PRKG2: variants seen among roughly 807,000 people sequenced by gnomAD.
PRKG2 encodes the protein cGMP-dependent protein kinase 2.
A neutral mutation model predicts 97.2 loss-of-function variants in PRKG2; 33 were observed. That is an observed-to-expected ratio of 0.34 (90% CI 0.26 to 0.45). The LOEUF (loss-of-function observed/expected upper bound fraction) is 0.45. Among genes scored for constraint, PRKG2 ranks in the 20% least tolerant of loss-of-function variants. The pLI is 1.00. For missense variants in PRKG2, 638 were observed against 900.0 expected (o/e 0.71, Z 3.73); for synonymous variants, 330 against 321.8 (o/e 1.03, Z -0.27).
intron 2 of PRKG2, among the ~76,000 whole-genome samples, chr4:81,183,084 T>C (rs1002185095): frequency 6.6e-5 from 9 of 135,996 alleles, no homozygotes; most frequent in African/African-American, 3.1e-4. Flanking sequence ...CATTGAAGAA[T>C]AAAAATTACA....
intron 14 of PRKG2, among the ~76,000 whole-genome samples, chr4:81,125,479 T>C (rs1010289075): frequency 6.6e-6 from 1 of 152,232 alleles, no homozygotes; most frequent in Non-Finnish European, 1.5e-5. Context: ...CAGCATTCCA[T>C]TGCTGAGTAG....
intron 8 of PRKG2, among the ~76,000 whole-genome samples, chr4:81,150,257 G>A (rs1212702383): frequency 8.5e-5 from 13 of 152,124 alleles, no homozygotes. Context: ...TCATGATTTT[G>A]ACTGAGAATA....
intron 8 of PRKG2, among the ~76,000 whole-genome samples, chr4:81,150,213 G>C (rs910291005): frequency 3.3e-5 from 5 of 152,138 alleles, no homozygotes; most frequent in African/African-American, 9.7e-5. Flanking sequence ...TTAGAGAAAG[G>C]AAAGGCATAT....
upstream of PRKG2, among the ~76,000 whole-genome samples, chr4:81,215,563 A>G (rs1408638089): frequency 6.6e-6 from 1 of 151,832 alleles, no homozygotes; most frequent in Non-Finnish European, 1.5e-5. Flanking sequence ...CCATCCTTCC[A>G]GTCTGTTTTC....
chr4:81,211,983 C>A (rs1754001116), intron 1 of PRKG2, among the ~76,000 whole-genome samples: 1 of 143,946 alleles, frequency 6.9e-6, no homozygotes, highest in Admixed American at 7.1e-5. Context: ...GCTTGTCTCT[C>A]TAAAGTTCCT....
chr4:81,105,899 G>A lies in PRKG2; in HGVS notation c.1977C>T (p.Tyr659=), dbSNP rs768277475. The A allele has an allele frequency of 6.2e-7, 1 of 1,613,668 alleles. No individual in the cohort carries two copies. The highest frequency in any genetic ancestry group is 1.1e-5 in the South Asian group (1 of 91,072). ...PFSGVDQMMT[Y]NLILKGIEKM... Reference sequence around the variant, plus strand: ...TTTCAATTCCTTTGAGAATCAAATTGTAGGTCATCATTTGGTCAACCCCAG... The same window carrying A: ...TTTCAATTCCTTTGAGAATCAAATTATAGGTCATCATTTGGTCAACCCCAG... Residue 659 remains tyrosine (Y), a synonymous_variant, in exon 16 of 19, where the codon TAC becomes TAT. Coordinates refer to ENST00000264399, the MANE Select transcript of PRKG2 (RefSeq NM_006259.3).
At chr4:81,213,441 G>A (rs542898547) in intron 1 of PRKG2, among the ~76,000 whole-genome samples, 16 of 152,228 alleles carry the variant, frequency 1.1e-4, no homozygotes, top group African/African-American at 3.6e-4. Flanking sequence ...CTTAAGAGGT[G>A]AGCAGGCTGT....
chr4:81,176,718 T>C (rs953102905), intron 2 of PRKG2, among the ~76,000 whole-genome samples: 10 of 152,252 alleles, frequency 6.6e-5, no homozygotes, highest in African/African-American at 2.4e-4. Flanking sequence ...GAAGTCTTGC[T>C]GTAAACAAAT....
At chr4:81,199,108 C>A (rs975701130) in intron 2 of PRKG2, among the ~76,000 whole-genome samples, 3 of 152,038 alleles carry the variant, frequency 2.0e-5, no homozygotes, top group Non-Finnish European at 4.4e-5. Context: ...CTGGTAAAAG[C>A]CTGTATATAC....
chr4:81,152,106 T>A (rs377747709), intron 7 of PRKG2, 52 bp from the exon 8 acceptor site: 1 of 1,365,048 alleles, frequency 7.3e-7, no homozygotes. Context: ...AAAAGGAGAA[T>A]CTGAACACAC....
At chr4:81,092,992 C>T (rs751436907) in intron 17 of PRKG2, among the ~76,000 whole-genome samples, 29 of 152,144 alleles carry the variant, frequency 1.9e-4, no homozygotes, top group Non-Finnish European at 1.3e-4. Flanking sequence ...TAAGTCAGGT[C>T]ACAACATGCC....
intron 18 of PRKG2, among the ~76,000 whole-genome samples, chr4:81,090,146 T>C (rs1217258091): frequency 2.6e-5 from 4 of 152,136 alleles, no homozygotes; most frequent in African/African-American, 9.7e-5. Flanking sequence ...TCACCTGAAG[T>C]CAGGAGTTCG....
At chr4:81,182,439 A>C (rs1751497504) in intron 2 of PRKG2, among the ~76,000 whole-genome samples, 1 of 152,076 alleles carries the variant, frequency 6.6e-6, no homozygotes, top group South Asian at 2.1e-4. Flanking sequence ...AAACAAAAAC[A>C]AAAACACATC....
At chr4:81,117,182 G>A (rs537676908) in intron 14 of PRKG2, among the ~76,000 whole-genome samples, 4 of 151,370 alleles carry the variant, frequency 2.6e-5, no homozygotes, top group East Asian at 1.9e-4. Flanking sequence ...TTGTAGAGAC[G>A]GGGTTTCACC....
intron 17 of PRKG2, among the ~76,000 whole-genome samples, chr4:81,093,771 A>G (rs1112881): frequency 0.23 from 34,341 of 152,166 alleles, 6,917 homozygotes; most frequent in African/African-American, 0.52. Flanking sequence ...TATTTCAAGT[A>G]TATATTTCAA....
chr4:81,104,816 C>T (rs920980776), intron 16 of PRKG2, among the ~76,000 whole-genome samples: 1 of 152,056 alleles, frequency 6.6e-6, no homozygotes, highest in African/African-American at 2.4e-5. Flanking sequence ...CCCATAGCTA[C>T]GTTTTTAGTT....
chr4:81,165,262 C>A (rs1018819178), intron 6 of PRKG2, among the ~76,000 whole-genome samples: 6 of 152,186 alleles, frequency 3.9e-5, no homozygotes, highest in Admixed American at 3.9e-4. Context: ...AGGAGTTCAA[C>A]CGTCTAAGTT....
intron 14 of PRKG2, among the ~76,000 whole-genome samples, chr4:81,132,962 G>T (rs1746321707): frequency 6.6e-6 from 1 of 152,018 alleles, no homozygotes; most frequent in Admixed American, 6.6e-5. Flanking sequence ...AATGCCTATG[G>T]TAGCTTTTTT....
intron 14 of PRKG2, among the ~76,000 whole-genome samples, chr4:81,124,375 T>C (rs1745352225): frequency 6.6e-6 from 1 of 152,218 alleles, no homozygotes; most frequent in African/African-American, 2.4e-5. Context: ...ACTACTACAA[T>C]AGCAAACATC....
Sources: gnomAD v4.1 joint callset for allele counts (sites outside exome capture counted in the v4.1 genomes callset) on GRCh38, gnomAD v4.1.1 for gene constraint, MANE v1.5 for transcripts, NCBI Gene and HGNC (gene_info 2026-07-23, HGNC 2026-07-21) for gene names.